The following CFAP61 variants were observed in gnomAD, a reference collection of about 807,000 sequenced individuals.
The protein encoded by CFAP61 is cilia- and flagella-associated protein 61.
Under a neutral mutation model 135.6 loss-of-function variants are expected in CFAP61, and 107 were observed. The ratio of observed to expected loss-of-function variants is 0.79; its 90% CI spans 0.67 to 0.93. The LOEUF (loss-of-function observed/expected upper bound fraction) is 0.93. Among genes scored for constraint, CFAP61 ranks in the 40% least tolerant of loss-of-function variants. The probability of loss-of-function intolerance (pLI) is 0.00; values close to 1 mark genes in which losing one functional copy is unlikely to be tolerated. For missense variants in CFAP61, 1,507 were observed against 1,556.2 expected (o/e 0.97, Z 0.53); for synonymous variants, 575 against 578.5 (o/e 0.99, Z 0.09).
intron 26 of CFAP61, among the ~76,000 whole-genome samples, chr20:20,354,317 C>T (rs1256021004): frequency 6.6e-6 from 1 of 152,030 alleles, no homozygotes; most frequent in East Asian, 1.9e-4. Context: ...GCCTCGCAAA[C>T]ATGGTGAAAC....
At chr20:20,197,424 CAT>C (rs1340751530) in intron 16 of CFAP61, among the ~76,000 whole-genome samples, 1 of 152,182 alleles carries the variant, frequency 6.6e-6, no homozygotes, top group African/African-American at 2.4e-5. Flanking sequence ...TAGTGTTCCT[CAT>C]AGCACTCACC....
intron 19 of CFAP61, among the ~76,000 whole-genome samples, chr20:20,250,348 G>A (rs1377373999): frequency 1.3e-5 from 2 of 152,226 alleles, no homozygotes; most frequent in Admixed American, 1.3e-4. Context: ...GGAACGTAGG[G>A]AGAGCTCATT....
At chr20:20,171,283 C>T (rs564884498) in intron 13 of CFAP61, among the ~76,000 whole-genome samples, 1 of 152,320 alleles carries the variant, frequency 6.6e-6, no homozygotes, top group Middle Eastern at 3.4e-3. Context: ...GTAGTCCAGA[C>T]AAGAGCACGT....
chr20:20,133,229 A>G (rs2050676310), intron 8 of CFAP61, among the ~76,000 whole-genome samples: 1 of 152,268 alleles, frequency 6.6e-6, no homozygotes, highest in Non-Finnish European at 1.5e-5. Flanking sequence ...CTACAAAACT[A>G]CAGTGGCATA....
rs750262618 is a variant in CFAP61 at position 20,290,332 on chromosome 20, C to A, written c.3157C>A (p.His1053Asn). Residue 1053 changes from histidine (H) to asparagine (N), a missense_variant, in exon 24 of 27, where the codon CAT (histidine) becomes AAT (asparagine). His to Asn is a moderately conservative substitution (Grantham distance 68, BLOSUM62 1). Coordinates refer to ENST00000245957, the MANE Select transcript of CFAP61 (RefSeq NM_015585.4). ...TCTTCCTGGGTCTTACCATTATCTG[C>A]ATATTGCCAAGCCTGCCATTCCAAC... ...GILPGSYHYL[H>N]IAKPAIPTPL... 1 of 1,613,350 alleles carries A rather than the reference C, an allele frequency of 6.2e-7. No individual in the cohort carries two copies. Among genetic ancestry groups the A allele is most frequent in the Admixed American group, 1.7e-5 (1 of 60,030 alleles).
At chr20:20,248,006 A>G (rs1257431119) in intron 19 of CFAP61, among the ~76,000 whole-genome samples, 1 of 152,156 alleles carries the variant, frequency 6.6e-6, no homozygotes, top group Non-Finnish European at 1.5e-5. Flanking sequence ...TATATCCAGA[A>G]TCCTTCAACT....
intron 26 of CFAP61, among the ~76,000 whole-genome samples, chr20:20,351,770 G>A (rs1255768757): frequency 2.0e-5 from 3 of 152,096 alleles, no homozygotes; most frequent in Non-Finnish European, 4.4e-5. Context: ...AAGATATCAT[G>A]TGTTCATGGA....
At chr20:20,155,617 T>TTTG in intron 9 of CFAP61, among the ~76,000 whole-genome samples, 1 of 152,050 alleles carries the variant, frequency 6.6e-6, no homozygotes, top group Non-Finnish European at 1.5e-5. Flanking sequence ...AGGACATGAA[T>TTTG]AGAGAATCCT....
intron 13 of CFAP61, among the ~76,000 whole-genome samples, chr20:20,181,276 T>TACACACACACACACACACAC (rs74180984): frequency 1.5e-4 from 22 of 144,588 alleles, no homozygotes; most frequent in African/African-American, 4.9e-4. Flanking sequence ...TGTGTATGTA[T>TACACACACACACACACACAC]ACACACACAC....
chr20:20,140,017 A>C (rs1261343075), intron 8 of CFAP61, among the ~76,000 whole-genome samples: 1 of 152,012 alleles, frequency 6.6e-6, no homozygotes, highest in Admixed American at 6.6e-5. Context: ...TTAATTCACA[A>C]GTTTTCTGCT....
At chr20:20,135,246 G>A (rs2050834743) in intron 8 of CFAP61, among the ~76,000 whole-genome samples, 1 of 152,170 alleles carries the variant, frequency 6.6e-6, no homozygotes, top group Non-Finnish European at 1.5e-5. Flanking sequence ...TAGGCCTGCT[G>A]ACACCTTGAT....
chr20:20,217,434 G>A (rs1022097585), intron 17 of CFAP61, among the ~76,000 whole-genome samples: 5 of 152,230 alleles, frequency 3.3e-5, no homozygotes, highest in Non-Finnish European at 5.9e-5. Flanking sequence ...ACACATGTGT[G>A]TTGAAAATAT....
chr20:20,096,526 C>T (rs1032093290), intron 7 of CFAP61, among the ~76,000 whole-genome samples: 2 of 152,266 alleles, frequency 1.3e-5, no homozygotes, highest in South Asian at 4.1e-4. Flanking sequence ...ATAATACATT[C>T]TTATCATACA....
chr20:20,215,972 A>G (rs1416655378), intron 17 of CFAP61, among the ~76,000 whole-genome samples: 3 of 152,188 alleles, frequency 2.0e-5, no homozygotes, highest in Non-Finnish European at 2.9e-5. Flanking sequence ...TTAAGATGCT[A>G]TTGTGCCTGT....
In CFAP61 at chr20:20,288,860, A is replaced by G. The variant is rs1438584125; in HGVS notation, c.3048A>G (p.Pro1016=). The G allele has an allele frequency of 6.2e-7, 1 of 1,614,186 alleles. No homozygotes were observed. Among genetic ancestry groups the G allele is most frequent in the Non-Finnish European group, 8.5e-7 (1 of 1,180,026 alleles). The change falls in exon 23 of 27, where the codon CCA becomes CCG. Residue 1016 remains proline, a synonymous_variant. Coordinates refer to ENST00000245957, the MANE Select transcript of CFAP61 (RefSeq NM_015585.4). ...CAGCTATGCTACATCTCTTTGATCC[A>G]ACCCTTGAGCCTGTGACCGAGCCAC... The part of the protein sequence containing the change: ...LAAAMLHLFD[P]TLEPVTEPPA...
intron 26 of CFAP61, among the ~76,000 whole-genome samples, chr20:20,342,427 G>A (rs1306833533): frequency 6.6e-6 from 1 of 152,324 alleles, no homozygotes; most frequent in South Asian, 2.1e-4. Context: ...AGGGCTGCAC[G>A]CTCAGCAAGA....
chr20:20,336,836 G>A (rs1030859102), intron 25 of CFAP61, among the ~76,000 whole-genome samples: 7 of 152,184 alleles, frequency 4.6e-5, no homozygotes, highest in East Asian at 1.9e-4. Flanking sequence ...CCTCCCCAGC[G>A]TGCACCCCTC....
intron 17 of CFAP61, among the ~76,000 whole-genome samples, chr20:20,212,179 T>C (rs1292961534): frequency 6.6e-6 from 1 of 152,108 alleles, no homozygotes; most frequent in Non-Finnish European, 1.5e-5. Context: ...AGCTCAGTAC[T>C]TCCACCACCC....
At chr20:20,339,331 G>A (rs2058351678) in intron 25 of CFAP61, among the ~76,000 whole-genome samples, 1 of 152,112 alleles carries the variant, frequency 6.6e-6, no homozygotes. Flanking sequence ...ATAGTACCTG[G>A]CGGCCAAAAA....
Sources: gnomAD v4.1 joint callset for allele counts (sites outside exome capture counted in the v4.1 genomes callset) on GRCh38, gnomAD v4.1.1 for gene constraint, MANE v1.5 for transcripts, NCBI Gene and HGNC (gene_info 2026-07-23, HGNC 2026-07-21) for gene names.